Variants in CDH23 observed in about 807,000 individuals in gnomAD.
CDH23 encodes cadherin-23.
Under a neutral mutation model 317.1 loss-of-function variants are expected in CDH23, and 189 were observed. The observed-to-expected ratio is 0.60, with a 90% confidence interval of 0.53 to 0.67. CDH23 has a LOEUF of 0.67. Among genes scored for constraint, CDH23 ranks in the 30% least tolerant of loss-of-function variants. The probability of loss-of-function intolerance (pLI) is 0.00; values close to 1 mark genes in which losing one functional copy is unlikely to be tolerated. For synonymous variants in CDH23, 1,839 were observed against 1,876.8 expected, an observed-to-expected ratio of 0.98 and a Z score of 0.52; for missense variants, 4,401 against 4,592.4, an observed-to-expected ratio of 0.96 and a Z score of 1.20.
At chr10:71,571,311 C>T (rs1857790419) in intron 8 of CDH23, among the ~76,000 whole-genome samples, 1 of 151,856 alleles carries the variant, frequency 6.6e-6, no homozygotes, top group South Asian at 2.1e-4. Context: ...GTCTGTCCCT[C>T]TCTGCTGATG....
Position 71,566,895 on chromosome 10 carries a change from T to C in CDH23, c.583T>C (p.Tyr195His), listed in dbSNP as rs1473570350. 1 of 1,613,816 alleles carries C rather than the reference T, an allele frequency of 6.2e-7. No homozygotes were observed. The change falls in exon 7 of 70, where the codon TAC becomes CAC. Residue 195 changes from tyrosine to histidine, a missense_variant. By Grantham distance (83) the Tyr-to-His change is moderately conservative. This residue lies in a region of CDH23 where 3,068 missense variants were observed against 3,203.3 expected (regional missense o/e 0.96). Coordinates refer to ENST00000224721, the MANE Select transcript of CDH23 (RefSeq NM_022124.6). The part of the protein sequence containing the change: ...GIVTVIRELD[Y>H]ETTQAYQLTV... ...CGTCACAGTGATCCGGGAGCTGGAC[T>C]ACGAGACCACACAGGCCTACCAGCT...
chr10:71,449,803 C>T (rs7923507), intron 3 of CDH23, among the ~76,000 whole-genome samples: 21,397 of 152,198 alleles, frequency 0.14, 1,945 homozygotes, highest in Non-Finnish European at 0.21. Flanking sequence ...CAACAGGGGG[C>T]CAGTGGCCTG....
chr10:71,431,621 G>A (rs995318254), intron 1 of CDH23, among the ~76,000 whole-genome samples: 1 of 152,228 alleles, frequency 6.6e-6, no homozygotes, highest in African/African-American at 2.4e-5. Flanking sequence ...TCAAAGTTGA[G>A]TGCATCTGAT....
intron 6 of CDH23, among the ~76,000 whole-genome samples, chr10:71,549,873 G>A (rs1474046754): frequency 1.3e-5 from 2 of 152,206 alleles, no homozygotes; most frequent in Non-Finnish European, 2.9e-5. Context: ...TGTGGGGCGG[G>A]GTCGGGGAGG....
chr10:71,752,625 G>T (rs762707156), intron 38 of CDH23, among the ~76,000 whole-genome samples: 6 of 152,200 alleles, frequency 3.9e-5, no homozygotes, highest in Non-Finnish European at 7.3e-5. Flanking sequence ...GCGGGCAGGA[G>T]GCACAGCTCA....
At chr10:71,442,648 T>G (rs1315406914) in intron 2 of CDH23, among the ~76,000 whole-genome samples, 1 of 152,158 alleles carries the variant, frequency 6.6e-6, no homozygotes, top group African/African-American at 2.4e-5. Flanking sequence ...CGTGGGCTTG[T>G]TGGGGAGGCA....
chr10:71,798,693 A>C, intron 50 of CDH23, 115 bp downstream of exon 50: 1 of 802,084 alleles, frequency 1.2e-6, no homozygotes, highest in Admixed American at 2.8e-5. Flanking sequence ...CAGATCCAAG[A>C]TGGCCAGCAT....
At chr10:71,741,558 C>A in intron 37 of CDH23, 136 bp from the exon 38 acceptor site, 1 of 692,786 alleles carries the variant, frequency 1.4e-6, no homozygotes, top group African/African-American at 1.8e-5. Context: ...TCCTTATTAT[C>A]TCCATCATTG....
intron 6 of CDH23, among the ~76,000 whole-genome samples, chr10:71,564,102 G>C (rs1377319259): frequency 6.6e-6 from 1 of 152,198 alleles, no homozygotes; most frequent in Non-Finnish European, 1.5e-5. Flanking sequence ...GTCTAACTCA[G>C]AATTCATGCT....
chr10:71,506,817 C>T (rs1853664282), intron 3 of CDH23, among the ~76,000 whole-genome samples: 1 of 152,142 alleles, frequency 6.6e-6, no homozygotes, highest in Non-Finnish European at 1.5e-5. Context: ...TAGCAATTAC[C>T]TGGGACACAA....
intron 51 of CDH23, 64 bp from the exon 52 acceptor site, chr10:71,799,428 G>C: frequency 1.9e-6 from 3 of 1,611,472 alleles, no homozygotes; most frequent in African/African-American, 2.7e-5. Context: ...GTGAGTTCTA[G>C]GGCTGTGCTC....
At position 71,703,785 on chromosome 10, in the gene CDH23, G is replaced by C. The variant is rs1417685071; in HGVS notation, c.2733+1091G>C. 2.0e-5 allele frequency among the ~76,000 whole-genome samples: 3 copies of C among 152,240 alleles called. No homozygotes were observed. The South Asian group carries it at 6.2e-4, about 31-fold the overall frequency. ...GAGCGCCTCAATCCAGGGAACGGCAGTCGGTCCCCGAGGAAGCCCCCAGAC... is the reference window on the plus strand; with the variant it reads ...GAGCGCCTCAATCCAGGGAACGGCACTCGGTCCCCGAGGAAGCCCCCAGAC... On this transcript the variant is annotated intron_variant, in intron 24 of 69. Transcript: ENST00000224721.
chr10:71,664,639 G>A (rs977045995), intron 14 of CDH23, among the ~76,000 whole-genome samples: 14 of 152,254 alleles, frequency 9.2e-5, no homozygotes, highest in Non-Finnish European at 1.5e-4. Flanking sequence ...AGAAAGCGGC[G>A]CCTGTGTGCT....
intron 61 of CDH23, 89 bp from the exon 62 acceptor site, chr10:71,810,383 A>G: frequency 1.7e-6 from 2 of 1,182,856 alleles, no homozygotes; most frequent in Non-Finnish European, 1.3e-6. Context: ...TTTGCAGGGA[A>G]GGGCAGAAGG....
In CDH23 at chr10:71,798,514, G is replaced by A. The variant is rs111033495; in HGVS notation, c.6990G>A (p.Leu2330=). The A allele has an allele frequency of 1.2e-6, 2 of 1,613,912 alleles. No homozygotes were observed. The highest frequency in any genetic ancestry group is 1.1e-5 in the South Asian group (1 of 91,078). The change falls in exon 50 of 70, where the codon CTG becomes CTA. Residue 2330 remains leucine (L), a synonymous_variant. Transcript: ENST00000224721. The part of the protein sequence containing the change: ...AVDPDKGLNG[L]VTYTLLDLVP... ...ACCCTGACAAGGGCCTTAATGGGCT[G>A]GTCACCTACACCCTGCTGGACCTGG...
chr10:71,590,560 A>G (rs1166141387), intron 9 of CDH23, among the ~76,000 whole-genome samples: 1 of 152,232 alleles, frequency 6.6e-6, no homozygotes, highest in Non-Finnish European at 1.5e-5. Flanking sequence ...CGGCAGACCA[A>G]GGATTATTTT....
intron 3 of CDH23, among the ~76,000 whole-genome samples, chr10:71,456,419 G>C (rs1049629165): frequency 7.0e-6 from 1 of 142,556 alleles, no homozygotes; most frequent in African/African-American, 3.1e-5. Context: ...AGAACAGACT[G>C]TGTCTTCTTG....
intron 9 of CDH23, among the ~76,000 whole-genome samples, chr10:71,611,449 G>A (rs1037843036): frequency 2.6e-5 from 4 of 152,220 alleles, no homozygotes; most frequent in Non-Finnish European, 5.9e-5. Flanking sequence ...ACAGCTGTAG[G>A]CACAGGCTGC....
chr10:71,453,959 C>T (rs1366027150), intron 3 of CDH23, among the ~76,000 whole-genome samples: 1 of 152,152 alleles, frequency 6.6e-6, no homozygotes, highest in African/African-American at 2.4e-5. Context: ...GGGTGTTAGA[C>T]AATAATAAGT....
Sources: allele counts gnomAD v4.1 joint callset (sites outside exome capture counted in the v4.1 genomes callset), GRCh38; gene constraint gnomAD v4.1.1; regional missense constraint gnomAD v4.1.1; transcripts MANE v1.5; gene names NCBI Gene and HGNC (gene_info 2026-07-23, HGNC 2026-07-21).